Variants in ACIN1 observed in about 807,000 individuals in gnomAD.
ACIN1 encodes the protein apoptotic chromatin condensation inducer 1.
A neutral mutation model predicts 146.6 loss-of-function variants in ACIN1; 16 were observed. That is an observed-to-expected ratio of 0.11 (90% CI 0.07 to 0.17). ACIN1 has a LOEUF of 0.17. ACIN1 is among the 10% of genes least tolerant of loss of function. The probability of loss-of-function intolerance (pLI) is 1.00; values close to 1 mark genes in which losing one functional copy is unlikely to be tolerated. For synonymous variants in ACIN1, 569 were observed against 582.7 expected, an observed-to-expected ratio of 0.98 and a Z score of 0.34; for missense variants, 1,357 against 1,609.3, an observed-to-expected ratio of 0.84 and a Z score of 2.68.
At chr14:23,069,652 G>GGGGGGGGGGGGC in intron 8 of ACIN1, 35 bp from the exon 9 acceptor site, 8 of 577,952 alleles carry the variant, frequency 1.4e-5, no homozygotes, top group Non-Finnish European at 2.3e-5. Context: ...GGGGGGGCGG[G>GGGGGGGGGGGGC]CAGAAAAGAA....
rs746860354 is a variant in ACIN1, at chr14:23,090,062, T to C, written c.356A>G (p.Glu119Gly). 2 of 1,613,876 alleles carry C rather than the reference T, an allele frequency of 1.2e-6. No individual in the cohort carries two copies. The highest frequency in any genetic ancestry group is 1.7e-4 in the Middle Eastern group (1 of 6,038). The change falls in exon 4 of 19, where the codon GAG becomes GGG. Residue 119 changes from glutamate to glycine, a missense_variant. Physicochemically the swap from Glu to Gly is moderately conservative, Grantham distance 98. Coordinates refer to ENST00000605057, the MANE Select transcript of ACIN1 (RefSeq NM_001386863.1). ...AGGAGGCAGCAGGGAAGCCACTCCC[T>C]CAGGATGGATCATCTCGTCCTCCGA... ...AESEDEMIHP[E>G]GVASLLPPDF...
chr14:23,068,524 C>G lies in ACIN1; in HGVS notation c.2265+952G>C, dbSNP rs984533786. The G allele has an allele frequency of 2.0e-6, 2 of 985,892 alleles. No individual in the cohort carries two copies. Among genetic ancestry groups the G allele is most frequent in the African/African-American group, 3.5e-5 (2 of 57,352 alleles). 61.1% of individuals were successfully genotyped at this position (985,892 alleles called of 1,614,324 possible). A position where few individuals can be genotyped will look rare whatever the true frequency, so the allele number is the denominator to read the frequency against. Reference sequence around the variant, plus strand: ...CCATCACAGGAGCCCATATACATGCCCCCCTCTGGCCAAGACACCTGGATA... The same window carrying G: ...CCATCACAGGAGCCCATATACATGCGCCCCTCTGGCCAAGACACCTGGATA... On this transcript the variant is annotated intron_variant, in intron 9 of 18. Transcript: ENST00000605057. This position sits in a 1 kb window ranked among gnomAD's most constrained non-coding sequence, Gnocchi z 4.3.
chr14:23,077,948 G>T, intron 8 of ACIN1: 1 of 407,918 alleles, frequency 2.5e-6, no homozygotes, highest in African/African-American at 2.0e-5. Context: ...AGTTTTCCTT[G>T]TGCCCTGACG....
upstream of ACIN1, chr14:23,095,143 G>A (rs371088024): frequency 1.5e-5 from 24 of 1,614,066 alleles, no homozygotes; most frequent in Non-Finnish European, 1.9e-5. Flanking sequence ...CCGTCCCGAC[G>A]GCTTCGGGCA....
chr14:23,094,594 T>C, intron 1 of ACIN1: 1 of 957,260 alleles, frequency 1.0e-6, no homozygotes, highest in Non-Finnish European at 1.2e-6. Context: ...TACCCCTAAC[T>C]CCGACCCAGC....
rs753197824 is a variant in ACIN1 at position 23,069,629 on chromosome 14, G to A, written c.2124-12C>T. On this transcript the variant is annotated splice_polypyrimidine_tract_variant and intron_variant, in intron 8 of 18. Coordinates refer to ENST00000605057, the MANE Select transcript of ACIN1 (RefSeq NM_001386863.1). ...CCTCCTTCTCCTCACTGACAGGAGG[G>A]GGGAGTGGTGGTGGGGGGGCGGGCA... The A allele has an allele frequency of 4.4e-6, 7 of 1,585,824 alleles. No individual in the cohort carries two copies. In the Admixed American group the frequency reaches 7.0e-5, roughly 16 times the overall value.
intron 6 of ACIN1, 131 bp from the exon 7 acceptor site, chr14:23,079,169 T>G: frequency 1.1e-6 from 1 of 942,968 alleles, no homozygotes; most frequent in African/African-American, 1.7e-5. Flanking sequence ...TTACTCCCAT[T>G]TTGTCTGTGT....
chr14:23,088,219 G>A (rs367653835), intron 4 of ACIN1, among the ~76,000 whole-genome samples: 3 of 152,018 alleles, frequency 2.0e-5, no homozygotes, highest in African/African-American at 7.3e-5. Context: ...CTTTCCTCTC[G>A]GCTTTAAAAT....
intron 7 of ACIN1, 146 bp downstream of exon 7, chr14:23,078,674 A>G (rs2047863010): frequency 2.2e-6 from 2 of 895,762 alleles, no homozygotes; most frequent in South Asian, 1.9e-5. Flanking sequence ...AGGGAGCTGG[A>G]AATGAGTTAA....
At chr14:23,094,796 C>A (rs1006675379) in intron 1 of ACIN1, 179 bp downstream of exon 1, 2 of 971,800 alleles carry the variant, frequency 2.1e-6, no homozygotes, top group Non-Finnish European at 3.0e-6. Context: ...AGGCGGGAAC[C>A]GGCGCGATCT....
chr14:23,069,445 A>G, intron 9 of ACIN1, 31 bp downstream of exon 9: 3 of 1,606,714 alleles, frequency 1.9e-6, no homozygotes, highest in Non-Finnish European at 2.6e-6. Flanking sequence ...ATTCCTGCCC[A>G]CCCGCCCCAA....
At chr14:23,075,319 T>TC (rs1201974953) in intron 8 of ACIN1, among the ~76,000 whole-genome samples, 4,252 of 136,174 alleles carry the variant, frequency 0.031, 200 homozygotes, top group African/African-American at 0.13. Context: ...TTTTCTTTCT[T>TC]CCCCTTTTTT....
Position 23,064,249 on chromosome 14 carries a change from G to C in ACIN1, c.2451C>G (p.Ile817Met). The change falls in exon 12 of 19, where the codon ATC (isoleucine) becomes ATG (methionine). Residue 817 changes from isoleucine (I) to methionine (M), a missense_variant. By Grantham distance (10) the Ile-to-Met change is conservative. Coordinates refer to ENST00000605057, the MANE Select transcript of ACIN1 (RefSeq NM_001386863.1). The stretch of plus-strand genomic sequence containing the variant: ...GCCCCGCCAGGGGTTTGATGTCGGG[G>C]ATGAGGCTCTGGGACACAGATACCC... ...SITTESLKSL[I>M]PDIKPLAGQE... The C allele has an allele frequency of 6.2e-7, 1 of 1,614,008 alleles. No homozygotes were observed. Among genetic ancestry groups the C allele is most frequent in the Non-Finnish European group, 8.5e-7 (1 of 1,180,046 alleles).
rs1209655859 is a variant in ACIN1 at position 23,090,008 on chromosome 14, T to A, written c.410A>T (p.Glu137Val). The A allele has an allele frequency of 1.2e-6, 2 of 1,613,132 alleles. No individual in the cohort carries two copies. Among genetic ancestry groups the A allele is most frequent in the Non-Finnish European group, 1.7e-6 (2 of 1,179,744 alleles). Residue 137 changes from glutamate to valine, a missense_variant, in exon 4 of 19, where the codon GAG (glutamate) becomes GTG (valine). Around this residue, in one of 4 missense-constraint regions of ACIN1, gnomAD observed 771 missense variants for 746.6 expected, o/e 1.03. Transcript: ENST00000605057. Reference sequence around the variant, plus strand: ...GGGCGAATGTCTGCTGAGCTCCAGCTCTGGTCTCTCCAGGCTGCTCTGAAA... The same window carrying A: ...GGGCGAATGTCTGCTGAGCTCCAGCACTGGTCTCTCCAGGCTGCTCTGAAA... The part of the protein sequence containing the change: ...PDFQSSLERP[E>V]LELSRHSPRK...
In ACIN1 at chr14:23,067,139, C is replaced by CA. The variant is rs199828407; in HGVS notation, c.2266-1132dup. 1.1e-4 allele frequency among the ~76,000 whole-genome samples: 14 copies of CA among 125,796 alleles called. No homozygotes were observed. The highest frequency in any genetic ancestry group is 2.4e-4 in the South Asian group (1 of 4,112). 82.5% of individuals were successfully genotyped at this position (125,796 alleles called of 152,430 possible). On this transcript the variant is annotated intron_variant, in intron 9 of 18. Coordinates refer to ENST00000605057, the MANE Select transcript of ACIN1 (RefSeq NM_001386863.1). The surrounding 1 kb of genome is among the most constrained non-coding windows in gnomAD (Gnocchi z 4.6). ...GGGTAAGTTAGTGAGAAAAACAAAA[C>CA]AAAAAAAAAGGTCTTAATTAAAACA... is the stretch of plus-strand genomic sequence containing the variant.
intron 10 of ACIN1, 103 bp from the exon 11 acceptor site, chr14:23,064,591 G>A: frequency 6.8e-7 from 1 of 1,474,314 alleles, no homozygotes; most frequent in Non-Finnish European, 9.2e-7. Context: ...TTGGTAAAAG[G>A]TTAACTTAAA....
intron 18 of ACIN1, among the ~76,000 whole-genome samples, chr14:23,059,769 T>C (rs1373139954): frequency 6.6e-6 from 1 of 150,486 alleles, no homozygotes; most frequent in Non-Finnish European, 1.5e-5. Flanking sequence ...TTCTCCTGCC[T>C]CAGCCTGCTG....
Position 23,062,247 on chromosome 14 carries a change from G to C in ACIN1, c.3020C>G (p.Thr1007Ser), listed in dbSNP as rs759392300. The C allele has an allele frequency of 1.2e-6, 2 of 1,614,096 alleles. No homozygotes were observed. The highest frequency in any genetic ancestry group is 2.2e-5 in the South Asian group (2 of 91,074). The change falls in exon 16 of 19, where the codon ACC (threonine) becomes AGC (serine). Residue 1007 changes from threonine to serine, a missense_variant. By Grantham distance (58) the Thr-to-Ser change is moderately conservative. Transcript: ENST00000605057. ...TTTGACCCCGTGCAGAGCTGTGCGG[G>C]TGGCAACAGCTTCCTCTACTGTTGA... ...TYSTVEEAVA[T>S]RTALHGVKWP...
Position 23,079,019 on chromosome 14 carries a change from G to T in ACIN1, c.1808C>A (p.Ser603Tyr). 2 of 1,614,134 alleles carry T rather than the reference G, an allele frequency of 1.2e-6. No individual in the cohort carries two copies. Among genetic ancestry groups the T allele is most frequent in the South Asian group, 2.2e-5 (2 of 91,058 alleles). The change falls in exon 7 of 19, where the codon TCC becomes TAC. Residue 603 changes from serine (S) to tyrosine (Y), a missense_variant. Ser to Tyr is a moderately radical substitution (Grantham distance 144). Coordinates refer to ENST00000605057, the MANE Select transcript of ACIN1 (RefSeq NM_001386863.1). ...NSRKSLSPGV[S>Y]RDSSTSYTET... Reference sequence around the variant, plus strand: ...AGTATAGCTGGTGCTGCTGTCCCTGGAGACTCCAGGGCTCAGAGACTAAAA... The same window carrying T: ...AGTATAGCTGGTGCTGCTGTCCCTGTAGACTCCAGGGCTCAGAGACTAAAA...
Sources: allele counts gnomAD v4.1 joint callset (sites outside exome capture counted in the v4.1 genomes callset), GRCh38; gene constraint gnomAD v4.1.1; regional missense constraint gnomAD v4.1.1; non-coding constraint Gnocchi (gnomAD v3.1); transcripts MANE v1.5; gene names NCBI Gene and HGNC (gene_info 2026-07-23, HGNC 2026-07-21).